Variants in DLG2 observed in about 807,000 individuals in gnomAD.
The protein encoded by DLG2 is discs large MAGUK scaffold protein 2.
DLG2 carries 45 observed loss-of-function variants against 132.5 expected under a neutral mutation model. That is an observed-to-expected ratio of 0.34 (90% CI 0.27 to 0.44). The LOEUF (loss-of-function observed/expected upper bound fraction) is 0.44, where lower values mean the gene tolerates loss of function less well. DLG2 is among the 20% of genes least tolerant of loss of function. The probability of loss-of-function intolerance (pLI) is 1.00; values close to 1 mark genes in which losing one functional copy is unlikely to be tolerated. For missense variants in DLG2, 1,045 were observed against 1,196.9 expected (o/e 0.87, Z 1.87); for synonymous variants, 424 against 419.6 (o/e 1.01, Z -0.13).
intron 8 of DLG2, among the ~76,000 whole-genome samples, chr11:84,197,907 G>T (rs141002562): frequency 2.6e-5 from 4 of 152,104 alleles, no homozygotes; most frequent in Non-Finnish European, 4.4e-5. Flanking sequence ...TGGGGATATA[G>T]GATTTAGAGG....
intron 2 of DLG2, among the ~76,000 whole-genome samples, chr11:85,622,194 C>A (rs910417949): frequency 3.9e-5 from 6 of 152,132 alleles, no homozygotes; most frequent in Non-Finnish European, 7.3e-5. Flanking sequence ...AGACATAATA[C>A]GATCGCAAAC....
At chr11:85,402,286 C>T (rs1335386287) in intron 3 of DLG2, among the ~76,000 whole-genome samples, 1 of 152,142 alleles carries the variant, frequency 6.6e-6, no homozygotes, top group Admixed American at 6.6e-5. Context: ...ACTGGGTAGC[C>T]ATGTGTAGAA....
chr11:84,450,691 T>A (rs2099049130), intron 7 of DLG2, among the ~76,000 whole-genome samples: 1 of 151,778 alleles, frequency 6.6e-6, no homozygotes, highest in African/African-American at 2.4e-5. Context: ...TGAGTTCAAA[T>A]CCCTGGCCCA....
intron 6 of DLG2, among the ~76,000 whole-genome samples, chr11:85,005,763 G>T (rs1402221647): frequency 6.6e-6 from 1 of 152,118 alleles, no homozygotes; most frequent in Non-Finnish European, 1.5e-5. Flanking sequence ...CCAATACTAT[G>T]TTGAATAGGA....
chr11:84,919,059 AC>A (rs1362609324), intron 6 of DLG2, among the ~76,000 whole-genome samples: 1 of 152,158 alleles, frequency 6.6e-6, no homozygotes, highest in Admixed American at 6.5e-5. Flanking sequence ...GAAATATTAT[AC>A]CTAAATGTGT....
intron 3 of DLG2, among the ~76,000 whole-genome samples, chr11:85,385,718 C>T (rs533449980): frequency 6.6e-6 from 1 of 152,258 alleles, no homozygotes; most frequent in Admixed American, 6.5e-5. Flanking sequence ...TATTTTTCCT[C>T]CCCTGAGGCC....
intron 11 of DLG2, among the ~76,000 whole-genome samples, chr11:84,022,995 A>C (rs1015053805): frequency 6.6e-6 from 1 of 152,088 alleles, no homozygotes; most frequent in East Asian, 1.9e-4. Context: ...GCAGATAATA[A>C]ATGTAAGCAG....
chr11:84,886,338 AAAC>A (rs2088304901), intron 6 of DLG2, among the ~76,000 whole-genome samples: 2 of 152,264 alleles, frequency 1.3e-5, no homozygotes, highest in South Asian at 4.1e-4. Flanking sequence ...TTTATAGAAG[AAAC>A]AACAAGATCA....
chr11:85,363,158 A>G (rs2084288447), intron 3 of DLG2, among the ~76,000 whole-genome samples: 2 of 152,256 alleles, frequency 1.3e-5, no homozygotes, highest in South Asian at 4.1e-4. Context: ...ATTTTAGAAC[A>G]TCTGAAGAGT....
At chr11:85,324,928 G>A (rs1438026628) in intron 3 of DLG2, among the ~76,000 whole-genome samples, 2 of 148,288 alleles carry the variant, frequency 1.3e-5, no homozygotes, top group Non-Finnish European at 3.0e-5. Flanking sequence ...CCGTGCGCGA[G>A]CCGAAGCAGG....
At chr11:84,821,452 G>A (rs1324614570) in intron 6 of DLG2, among the ~76,000 whole-genome samples, 1 of 151,412 alleles carries the variant, frequency 6.6e-6, no homozygotes, top group Non-Finnish European at 1.5e-5. Flanking sequence ...CTTTATTTAT[G>A]GGCACTGAAA....
chr11:84,134,836 C>T (rs1201360693), intron 9 of DLG2, among the ~76,000 whole-genome samples: 1 of 151,732 alleles, frequency 6.6e-6, no homozygotes, highest in Non-Finnish European at 1.5e-5. Context: ...CTAATTCCAC[C>T]CTCTCCCTTT....
chr11:84,012,178 A>T (rs992061943), intron 11 of DLG2, among the ~76,000 whole-genome samples: 1 of 152,194 alleles, frequency 6.6e-6, no homozygotes, highest in Admixed American at 6.5e-5. Flanking sequence ...ACCTATGTCT[A>T]AGAATAAATA....
intron 20 of DLG2, 61 bp downstream of exon 20, chr11:83,541,621 C>A: frequency 7.2e-7 from 1 of 1,380,564 alleles, no homozygotes; most frequent in East Asian, 2.6e-5. Context: ...CTTCTTCTTC[C>A]CTCATCTCCA....
intron 18 of DLG2, among the ~76,000 whole-genome samples, chr11:83,723,491 T>C (rs771060176): frequency 2.0e-5 from 3 of 152,212 alleles, no homozygotes; most frequent in Non-Finnish European, 2.9e-5. Flanking sequence ...TGCATCATAA[T>C]AACAACAGCT....
intron 14 of DLG2, among the ~76,000 whole-genome samples, chr11:83,940,567 C>T (rs1026910017): frequency 4.6e-5 from 7 of 152,170 alleles, no homozygotes; most frequent in African/African-American, 1.7e-4. Context: ...CCCAGATTGT[C>T]TGGGTTCAAA....
At chr11:85,063,278 T>C (rs950926049) in intron 6 of DLG2, among the ~76,000 whole-genome samples, 2 of 151,862 alleles carry the variant, frequency 1.3e-5, no homozygotes, top group African/African-American at 4.8e-5. Flanking sequence ...TAATAAGTTC[T>C]TGCATACAAA....
At chr11:85,515,143 AAGG>A (rs2094147422) in intron 3 of DLG2, among the ~76,000 whole-genome samples, 1 of 151,948 alleles carries the variant, frequency 6.6e-6, no homozygotes, top group African/African-American at 2.4e-5. Context: ...TAAAAGACAA[AAGG>A]AGAAGTCAGA....
At chr11:83,886,536 G>T (rs948847013) in intron 15 of DLG2, among the ~76,000 whole-genome samples, 1 of 152,074 alleles carries the variant, frequency 6.6e-6, no homozygotes, top group Non-Finnish European at 1.5e-5. Flanking sequence ...ATAGACAGAT[G>T]AATGAGACAG....
Sources: allele counts gnomAD v4.1 joint callset (sites outside exome capture counted in the v4.1 genomes callset), GRCh38; gene constraint gnomAD v4.1.1; transcripts MANE v1.5; gene names NCBI Gene and HGNC (gene_info 2026-07-23, HGNC 2026-07-21).